SLC17A1: variants seen among roughly 807,000 people sequenced by gnomAD.
SLC17A1 encodes sodium-dependent phosphate transport protein 1.
A neutral mutation model predicts 53.5 loss-of-function variants in SLC17A1; 51 were observed. The observed-to-expected ratio is 0.95, with a 90% CI of 0.76 to 1.20. The LOEUF is 1.20. SLC17A1 is among the 50% of genes most tolerant of loss of function. The probability of loss-of-function intolerance (pLI) is 0.00; values close to 1 mark genes in which losing one functional copy is unlikely to be tolerated. For missense variants in SLC17A1, 538 were observed against 568.2 expected (o/e 0.95, Z 0.54); for synonymous variants, 179 against 198.8 (o/e 0.90, Z 0.84).
At chr6:25,809,377 G>A (rs1764070557) in intron 10 of SLC17A1, among the ~76,000 whole-genome samples, 1 of 151,964 alleles carries the variant, frequency 6.6e-6, no homozygotes, top group Admixed American at 6.6e-5. Flanking sequence ...GTATTTGCAT[G>A]CCTTAAATTT....
the SLC17A1 span, among the ~76,000 whole-genome samples, chr6:25,767,271 G>C: frequency 6.6e-6 from 1 of 152,146 alleles, no homozygotes; most frequent in South Asian, 2.1e-4. Flanking sequence ...TAAAATTCCA[G>C]CTAAAATGCT....
chr6:25,778,696 T>C (rs1317510), downstream of SLC17A1, among the ~76,000 whole-genome samples: 45,409 of 152,112 alleles, frequency 0.3, 7,755 homozygotes, highest in East Asian at 0.74. Flanking sequence ...GAATAGCAAA[T>C]GCTTAGCAAA....
At chr6:25,769,358 T>C in the SLC17A1 span, among the ~76,000 whole-genome samples, 1 of 152,030 alleles carries the variant, frequency 6.6e-6, no homozygotes, top group African/African-American at 2.4e-5. Context: ...GCTCACACCT[T>C]TAGTCCCAGC....
the SLC17A1 span, among the ~76,000 whole-genome samples, chr6:25,740,071 C>T: frequency 1.3e-5 from 2 of 152,082 alleles, no homozygotes; most frequent in East Asian, 3.8e-4. Flanking sequence ...TATTTCAAAA[C>T]AAAAAGTTAA....
intron 10 of SLC17A1, among the ~76,000 whole-genome samples, chr6:25,801,792 T>C (rs1763770291): frequency 6.6e-6 from 1 of 152,212 alleles, no homozygotes; most frequent in Admixed American, 6.5e-5. Flanking sequence ...GGTGCCTGTT[T>C]TGTTTATTAA....
intron 6 of SLC17A1, among the ~76,000 whole-genome samples, chr6:25,817,089 T>C (rs1287023917): frequency 6.6e-6 from 1 of 151,496 alleles, no homozygotes; most frequent in Admixed American, 6.6e-5. Flanking sequence ...CTTTAGGTTA[T>C]CCACCCACCT....
At chr6:25,773,369 C>G in the SLC17A1 span, 1 of 1,613,798 alleles carries the variant, frequency 6.2e-7, no homozygotes. Flanking sequence ...AGAAGAGATA[C>G]ATTGTGTGTT....
the SLC17A1 span, chr6:25,732,058 C>T: frequency 3.3e-5 from 42 of 1,254,730 alleles, no homozygotes; most frequent in Non-Finnish European, 4.5e-5. Context: ...GAATAGCTCT[C>T]TTTGCGGCAT....
At chr6:25,782,447 A>C (rs1427425602), downstream of SLC17A1, among the ~76,000 whole-genome samples, 1 of 152,186 alleles carries the variant, frequency 6.6e-6, no homozygotes, top group African/African-American at 2.4e-5. Flanking sequence ...GTGCCAGTAA[A>C]TGCTATTGAA....
At chr6:25,773,242 C>T in the SLC17A1 span, 16 of 1,494,970 alleles carry the variant, frequency 1.1e-5, no homozygotes, top group Non-Finnish European at 1.5e-5. Flanking sequence ...GTACTTCAAT[C>T]CATCCAGTGC....
the SLC17A1 span, among the ~76,000 whole-genome samples, chr6:25,757,196 G>A: frequency 9.9e-5 from 15 of 152,242 alleles, no homozygotes; most frequent in Admixed American, 9.8e-4. Flanking sequence ...TTACTTACCA[G>A]CTTTAGTGGT....
intron 2 of SLC17A1, among the ~76,000 whole-genome samples, chr6:25,829,230 T>A (rs1764860976): frequency 6.6e-6 from 1 of 152,052 alleles, no homozygotes; most frequent in African/African-American, 2.4e-5. Context: ...GATGCGATAG[T>A]GTATAGTAGG....
At chr6:25,769,944 G>A in the SLC17A1 span, 1 of 803,516 alleles carries the variant, frequency 1.2e-6, no homozygotes, top group Non-Finnish European at 2.1e-6. Flanking sequence ...CTGGTATATT[G>A]GAGGAACTGG....
At chr6:25,777,287 G>C in the SLC17A1 span, 1 of 245,576 alleles carries the variant, frequency 4.1e-6, no homozygotes, top group Non-Finnish European at 7.8e-6. Context: ...ATTCTATAGG[G>C]TATGCTCATG....
intron 12 of SLC17A1, among the ~76,000 whole-genome samples, chr6:25,788,912 T>C (rs972620250): frequency 2.0e-5 from 3 of 152,142 alleles, no homozygotes; most frequent in Admixed American, 2.0e-4. Flanking sequence ...TGAAGAAACT[T>C]TGTATTGGAC....
the SLC17A1 span, among the ~76,000 whole-genome samples, chr6:25,755,110 C>CAGAG: frequency 0.27 from 40,996 of 150,978 alleles, 6,770 homozygotes; most frequent in East Asian, 0.7. Flanking sequence ...GAGGAAGAGA[C>CAGAG]AGAAACTAAA....
chr6:25,751,490 C>T, the SLC17A1 span, among the ~76,000 whole-genome samples: 17 of 152,142 alleles, frequency 1.1e-4, no homozygotes, highest in Non-Finnish European at 2.1e-4. Context: ...GAAGTGACAC[C>T]TAGGCAAAAC....
chr6:25,768,455 T>C, the SLC17A1 span: 1 of 903,420 alleles, frequency 1.1e-6, no homozygotes, highest in South Asian at 5.0e-5. Flanking sequence ...GATTATAGTA[T>C]TAAGATGAAG....
In SLC17A1 at chr6:25,792,044, T is replaced by G. The variant is rs1213551655; in HGVS notation, c.*2+6739A>C. On this transcript the variant is annotated intron_variant, in intron 12 of 12. Coordinates refer to ENST00000244527, the MANE Select transcript of SLC17A1 (RefSeq NM_005074.5). ...CCAATTCTTCAAGATGGATCCCAGG[T>G]GGCTAACTGGGCCTAAGTTTAAAAT... Among the ~76,000 whole-genome samples, 3 of 152,342 alleles carry G rather than the reference T, an allele frequency of 2.0e-5. No homozygotes were observed. The East Asian group carries it at 5.8e-4, about 29-fold the overall frequency.
Sources: gnomAD v4.1 joint callset for allele counts (sites outside exome capture counted in the v4.1 genomes callset) on GRCh38, gnomAD v4.1.1 for gene constraint, MANE v1.5 for transcripts, NCBI Gene and HGNC (gene_info 2026-07-23, HGNC 2026-07-21) for gene names.